Variants in MLIP observed in about 807,000 individuals in gnomAD.
MLIP encodes the protein muscular LMNA-interacting protein.
MLIP carries 79 observed loss-of-function variants against 84.8 expected under a neutral mutation model. The observed-to-expected ratio is 0.93, with a 90% CI of 0.78 to 1.12. The LOEUF is 1.12. Ranked by LOEUF, MLIP falls within the 50% of genes most tolerant of loss-of-function variation. The pLI is 0.00. For synonymous variants in MLIP, 504 were observed against 463.0 expected (o/e 1.09, Z -1.14); for missense variants, 1,257 against 1,160.6 (o/e 1.08, Z -1.21).
chr6:54,124,495 C>G lies in MLIP; in HGVS notation c.275C>G (p.Thr92Ser). Residue 92 changes from threonine to serine, a missense_variant, in exon 3 of 14, where the codon ACC becomes AGC. Transcript: ENST00000502396. Reference protein sequence around the residue: ...VNRSKSNDYLTLNAGSQQERD... With the variant: ...VNRSKSNDYLSLNAGSQQERD... Reference sequence around the variant, plus strand: ...CAGTCTAAATCCAATGACTACTTGACCTTGAATGCTGGGAGCCAACAAGAG... The same window carrying G: ...CAGTCTAAATCCAATGACTACTTGAGCTTGAATGCTGGGAGCCAACAAGAG... 6.2e-7 allele frequency: 1 copy of G among 1,613,810 alleles called. No individual in the cohort carries two copies. Among genetic ancestry groups the G allele is most frequent in the East Asian group, 2.2e-5 (1 of 44,882 alleles).
Position 54,230,749 on chromosome 6 carries a change from T to C in MLIP, c.2754T>C (p.His918=). The C allele has an allele frequency of 1.2e-6, 2 of 1,614,074 alleles. No individual in the cohort carries two copies. Among genetic ancestry groups the C allele is most frequent in the Non-Finnish European group, 1.7e-6 (2 of 1,179,980 alleles). ...VTVPPKPVSL[H]PLYQTKLYPP... Reference sequence around the variant, plus strand: ...TCCCTCCCAAGCCTGTCTCGCTCCATCCTTTATATCAGACTAAACTCTATC... The same window carrying C: ...TCCCTCCCAAGCCTGTCTCGCTCCACCCTTTATATCAGACTAAACTCTATC... Residue 918 remains histidine (H), a synonymous_variant, in exon 12 of 14, where the codon CAT becomes CAC. Transcript: ENST00000502396.
rs74950657 is a variant in MLIP, at chr6:54,070,329, C to G, written c.64-51118C>G. 5.0e-4 allele frequency among the ~76,000 whole-genome samples: 76 copies of G among 152,162 alleles called. 1 individual carries two copies. In the South Asian group the frequency reaches 7.1e-3, roughly 14 times the overall value. On this transcript the variant is annotated intron_variant, in intron 1 of 12. Transcript: ENST00000274897. ...AGATTTTTTTGTATTTTTATTTCCC[C>G]ACCTCCCCCCCATGTTTAATGTCCC...
At chr6:54,148,741 C>G (rs1773123899) in intron 4 of MLIP, among the ~76,000 whole-genome samples, 1 of 152,058 alleles carries the variant, frequency 6.6e-6, no homozygotes, top group Non-Finnish European at 1.5e-5. Context: ...AATAGTACTC[C>G]CATTAGGGAA....
intron 4 of MLIP, among the ~76,000 whole-genome samples, chr6:54,146,505 G>C (rs754253194): frequency 2.6e-5 from 4 of 152,114 alleles, no homozygotes; most frequent in East Asian, 1.9e-4. Context: ...ATTTCAAGAG[G>C]GGGGAAATAG....
At chr6:54,206,991 A>G (rs924513554) in intron 11 of MLIP, among the ~76,000 whole-genome samples, 15 of 152,178 alleles carry the variant, frequency 9.9e-5, no homozygotes, top group African/African-American at 3.1e-4. Context: ...TTTTGGGGTA[A>G]ATGTTTAAAT....
chr6:54,217,064 T>G (rs1779903410), intron 11 of MLIP: 1 of 985,310 alleles, frequency 1.0e-6, no homozygotes, highest in African/African-American at 1.7e-5. Flanking sequence ...AATGCTGCAT[T>G]TAAAAATAAA....
intron 1 of MLIP, among the ~76,000 whole-genome samples, chr6:54,035,751 T>A (rs967314074): frequency 1.3e-5 from 2 of 152,092 alleles, no homozygotes; most frequent in Non-Finnish European, 1.5e-5. Flanking sequence ...TTATTTGCCA[T>A]ATGTATATCT....
At chr6:54,197,356 A>C (rs1034424523) in intron 10 of MLIP, among the ~76,000 whole-genome samples, 1 of 152,084 alleles carries the variant, frequency 6.6e-6, no homozygotes, top group Non-Finnish European at 1.5e-5. Flanking sequence ...CTCTGAAAAC[A>C]GGGGGTATGT....
At chr6:54,222,826 C>T (rs897738485) in intron 11 of MLIP, among the ~76,000 whole-genome samples, 1 of 151,996 alleles carries the variant, frequency 6.6e-6, no homozygotes, top group Non-Finnish European at 1.5e-5. Context: ...TACCAATTAA[C>T]ATTCCCACCA....
chr6:54,228,411 C>T (rs1382101997), intron 11 of MLIP, among the ~76,000 whole-genome samples: 1 of 152,158 alleles, frequency 6.6e-6, no homozygotes, highest in African/African-American at 2.4e-5. Flanking sequence ...ACTGACAGTA[C>T]TCAAGTGAGC....
At position 54,137,422 on chromosome 6, in the gene MLIP, T is replaced by G. The variant is rs1430080962; in HGVS notation, c.1353T>G (p.Leu451=). Residue 451 remains leucine (L), a synonymous_variant, in exon 4 of 14, where the codon CTT becomes CTG. Coordinates refer to ENST00000502396, the MANE Select transcript of MLIP (RefSeq NM_001281747.2). ...LNSPASSTLT[L]DQKEKQTPPT... Reference sequence around the variant, plus strand: ...CCCCGGCCTCTTCCACGCTCACACTTGACCAAAAAGAAAAGCAGACCCCAC... The same window carrying G: ...CCCCGGCCTCTTCCACGCTCACACTGGACCAAAAAGAAAAGCAGACCCCAC... The G allele has an allele frequency of 3.9e-6, 6 of 1,535,798 alleles. No homozygotes were observed. Among genetic ancestry groups the G allele is most frequent in the Middle Eastern group, 1.7e-4 (1 of 6,012 alleles).
At chr6:54,192,014 G>T (rs1421710745) in intron 10 of MLIP, among the ~76,000 whole-genome samples, 1 of 150,456 alleles carries the variant, frequency 6.6e-6, no homozygotes, top group Non-Finnish European at 1.5e-5. Flanking sequence ...TATATATAAT[G>T]ATTTTATAAA....
At chr6:54,167,814 T>G (rs1582364935) in intron 8 of MLIP, among the ~76,000 whole-genome samples, 1 of 151,886 alleles carries the variant, frequency 6.6e-6, no homozygotes, top group East Asian at 1.9e-4. Context: ...GATGATTTGA[T>G]ATCAGGCTGA....
intron 9 of MLIP, among the ~76,000 whole-genome samples, chr6:54,181,193 C>G (rs1776825776): frequency 6.6e-6 from 1 of 152,166 alleles, no homozygotes; most frequent in Non-Finnish European, 1.5e-5. Flanking sequence ...TTCTATTTCT[C>G]TGAAGCTAAG....
chr6:54,071,327 A>G (rs1381676280), intron 1 of MLIP, among the ~76,000 whole-genome samples: 1 of 152,062 alleles, frequency 6.6e-6, no homozygotes, highest in Non-Finnish European at 1.5e-5. Context: ...TATCTTCAAA[A>G]AGAAAAAAAA....
At chr6:54,140,293 G>C (rs79181111) in intron 4 of MLIP, among the ~76,000 whole-genome samples, 4,670 of 152,254 alleles carry the variant, frequency 0.031, 258 homozygotes, top group African/African-American at 0.11. Context: ...AGTTGGAAGA[G>C]GGTGAGCCCC....
At chr6:54,070,499 T>C (rs1766421577) in intron 1 of MLIP, among the ~76,000 whole-genome samples, 1 of 152,208 alleles carries the variant, frequency 6.6e-6, no homozygotes, top group Non-Finnish European at 1.5e-5. Flanking sequence ...TCTCTGCTTT[T>C]GTTTCTGGAA....
intron 5 of MLIP, 70 bp downstream of exon 5, chr6:54,149,197 C>A: frequency 7.2e-7 from 1 of 1,381,536 alleles, no homozygotes; most frequent in Non-Finnish European, 1.0e-6. Flanking sequence ...TCTAAAATTT[C>A]TGTTGGGAAG....
intron 12 of MLIP, among the ~76,000 whole-genome samples, chr6:54,250,222 G>A (rs1260300420): frequency 6.6e-6 from 1 of 152,036 alleles, no homozygotes; most frequent in African/African-American, 2.4e-5. Context: ...AGATGCTGGC[G>A]AGGTCATGGA....
Sources: allele counts gnomAD v4.1 joint callset (sites outside exome capture counted in the v4.1 genomes callset), GRCh38; gene constraint gnomAD v4.1.1; transcripts MANE v1.5; gene names NCBI Gene and HGNC (gene_info 2026-07-23, HGNC 2026-07-21).